Variants in PLAT observed in about 807,000 individuals in gnomAD.
PLAT encodes tissue-type plasminogen activator.
Under a neutral mutation model 74.9 loss-of-function variants are expected in PLAT, and 48 were observed. The ratio of observed to expected loss-of-function variants is 0.64; its 90% CI spans 0.51 to 0.82. The LOEUF is 0.82. Ranked by LOEUF, PLAT falls within the 40% of genes least tolerant of loss-of-function variation. PLAT has a pLI of 0.00. For missense variants in PLAT, 673 were observed against 736.2 expected (o/e 0.91, Z 0.99); for synonymous variants, 307 against 294.4 (o/e 1.04, Z -0.44).
chr8:42,178,339 C>T (rs1402024273), intron 13 of PLAT, among the ~76,000 whole-genome samples: 1 of 148,418 alleles, frequency 6.7e-6, no homozygotes, highest in East Asian at 2.0e-4. Context: ...GGCGCGATCT[C>T]GGCTCACTGC....
chr8:42,187,646 T>C (rs890269973), intron 5 of PLAT, 74 bp from the exon 6 acceptor site: 2 of 1,377,866 alleles, frequency 1.5e-6, no homozygotes, highest in Non-Finnish European at 9.9e-7. Flanking sequence ...CTCCCCTCTC[T>C]GCCCCGTCCT....
rs1208295801 is a variant in PLAT, at chr8:42,203,988, T to TACACAC, written c.-27+3505_-27+3506insGTGTGT. The stretch of plus-strand genomic sequence containing the variant: ...TCTAAATTATATATATATATATATA[T>TACACAC]ATATACACACACACACACACACACA... On this transcript the variant is annotated intron_variant, in intron 1 of 13. Coordinates refer to ENST00000220809, the MANE Select transcript of PLAT (RefSeq NM_000930.5). Among the ~76,000 whole-genome samples, 390 of 123,236 alleles carry TACACAC rather than the reference T, an allele frequency of 3.2e-3. 3 individuals are homozygous for TACACAC. Among genetic ancestry groups the TACACAC allele is most frequent in the African/African-American group, 0.017 (351 of 20,932 alleles). The allele number at this position is 123,236 out of a possible 152,430, so 80.8% of individuals were successfully genotyped here.
chr8:42,191,582 A>G (rs1287426505), intron 2 of PLAT, among the ~76,000 whole-genome samples, 168 bp from the exon 3 acceptor site: 1 of 151,966 alleles, frequency 6.6e-6, no homozygotes, highest in Admixed American at 6.5e-5. Flanking sequence ...TTCTAGTCCA[A>G]TTCTTCCTCT....
intron 1 of PLAT, among the ~76,000 whole-genome samples, chr8:42,194,999 G>C (rs780588815): frequency 4.6e-5 from 7 of 152,104 alleles, no homozygotes; most frequent in African/African-American, 7.2e-5. Flanking sequence ...TAGTCGGCCG[G>C]GTGTTATTTT....
intron 2 of PLAT, among the ~76,000 whole-genome samples, chr8:42,192,155 T>C (rs1392560659): frequency 6.6e-6 from 1 of 151,710 alleles, no homozygotes. Context: ...AGGTGCATAC[T>C]AGTACACCCG....
chr8:42,204,388 A>G (rs952673902), intron 1 of PLAT, among the ~76,000 whole-genome samples: 7 of 152,180 alleles, frequency 4.6e-5, no homozygotes, highest in Admixed American at 4.6e-4. Context: ...AGCGAAAATC[A>G]CTCAGAGAAA....
rs187735540 is a variant in PLAT, at chr8:42,194,631, C to T, written c.-26-1420G>A. The stretch of plus-strand genomic sequence containing the variant: ...GACTAGATGGAGCCGCAGTCATGTC[C>T]TCTTGGACTTCTGCAGCGGAAGCCA... On this transcript the variant is annotated intron_variant, in intron 1 of 13. Transcript: ENST00000220809. 6.6e-5 allele frequency among the ~76,000 whole-genome samples: 10 copies of T among 152,272 alleles called. No individual in the cohort carries two copies. The East Asian group carries it at 1.7e-3, about 27-fold the overall frequency.
At chr8:42,176,259 C>CAAT (rs1207117388) in intron 13 of PLAT, 108 bp from the exon 14 acceptor site, 1 of 730,968 alleles carries the variant, frequency 1.4e-6, no homozygotes, top group East Asian at 2.7e-5. Context: ...GCAGGCCCTT[C>CAAT]AATAATATTC....
chr8:42,201,475 G>A (rs551066157), intron 1 of PLAT, among the ~76,000 whole-genome samples: 94 of 152,268 alleles, frequency 6.2e-4, no homozygotes, highest in African/African-American at 2.0e-3. Context: ...ATGCAGAAGA[G>A]ATGCCACGCT....
intron 4 of PLAT, 68 bp from the exon 5 acceptor site, chr8:42,188,084 G>C (rs1805554113): frequency 9.7e-6 from 9 of 923,144 alleles, no homozygotes; most frequent in African/African-American, 1.6e-5. Context: ...ATGGTTCCAG[G>C]AGCCCTGTCT....
In PLAT at chr8:42,175,187, A is replaced by G. The variant is rs1171401952; in HGVS notation, c.*806T>C. ...AAATGATTTTAAAATGTGAACATGAATAAAGAGTGGGATACAGCATCTATA... is the reference window on the plus strand; with the variant it reads ...AAATGATTTTAAAATGTGAACATGAGTAAAGAGTGGGATACAGCATCTATA... On this transcript the variant is annotated 3_prime_UTR_variant, in exon 14 of 14. Transcript: ENST00000220809. 1 of 152,226 alleles carries G rather than the reference A, an allele frequency of 6.6e-6. No individual in the cohort carries two copies. The highest frequency in any genetic ancestry group is 1.5e-5 in the Non-Finnish European group (1 of 68,046). 9.4% of individuals were successfully genotyped at this position (152,226 alleles called of 1,614,324 possible).
intron 1 of PLAT, among the ~76,000 whole-genome samples, chr8:42,204,094 C>T (rs1218765711): frequency 6.6e-6 from 1 of 151,196 alleles, no homozygotes; most frequent in Non-Finnish European, 1.5e-5. Flanking sequence ...GAGCCACTAT[C>T]GGAAGACCAT....
At position 42,180,336 on chromosome 8, in the gene PLAT, G is replaced by T; in HGVS notation, c.1128C>A (p.Tyr376Ter). ...HHLTVILGRTYRVVPGEEEQK... is the reference protein window; with the variant it reads ...HHLTVILGRT ...GCTCCTCCTCGCCAGGGACCACCCGGTATGTTCTGCCCAAGATCACCGTCA... is the reference window on the plus strand; with the variant it reads ...GCTCCTCCTCGCCAGGGACCACCCGTTATGTTCTGCCCAAGATCACCGTCA... The change falls in exon 11 of 14, where the codon TAC (tyrosine) becomes TAA (stop). Residue 376 changes from tyrosine (Y) to a stop codon, truncating the protein, a stop_gained. Transcript: ENST00000220809. LOFTEE classifies it high-confidence loss of function. The T allele has an allele frequency of 6.2e-7, 1 of 1,614,202 alleles. No individual in the cohort carries two copies. Among genetic ancestry groups the T allele is most frequent in the Non-Finnish European group, 8.5e-7 (1 of 1,179,986 alleles).
intron 6 of PLAT, chr8:42,185,376 G>C: frequency 2.5e-6 from 1 of 399,284 alleles, no homozygotes. Flanking sequence ...CAATTCTTCA[G>C]CCTCAGCTTC....
chr8:42,192,997 G>C lies in PLAT; in HGVS notation c.72+117C>G, dbSNP rs1440577778. On this transcript the variant is annotated intron_variant, in intron 2 of 13. Coordinates refer to ENST00000220809, the MANE Select transcript of PLAT (RefSeq NM_000930.5). ...AGCAATGCCAGCCCCTCGTCCCTGT[G>C]CCTCTCTGCTCCCTGACAGCATTCC... 1.1e-5 allele frequency: 8 copies of C among 710,580 alleles called. No individual in the cohort carries two copies. In the African/African-American group the frequency reaches 1.2e-4, roughly 11 times the overall value. The allele number at this position is 710,580 out of a possible 1,614,324, so 44.0% of individuals were successfully genotyped here.
chr8:42,179,825 G>C (rs563639634), intron 12 of PLAT, 101 bp downstream of exon 12: 20 of 1,222,214 alleles, frequency 1.6e-5, no homozygotes, highest in Non-Finnish European at 2.2e-5. Flanking sequence ...GCCTGACCCG[G>C]GGCTGGAACT....
In PLAT at chr8:42,188,028, A is replaced by G; in HGVS notation, c.254-12T>C. ...TGGCTCGCTGCAACCTGTCAAGTATAAAAAAGGAAGCCCCTAATGACAGCC... is the reference window on the plus strand; with the variant it reads ...TGGCTCGCTGCAACCTGTCAAGTATGAAAAAGGAAGCCCCTAATGACAGCC... On this transcript the variant is annotated splice_polypyrimidine_tract_variant and intron_variant, in intron 4 of 13. Transcript: ENST00000220809. 2.6e-6 allele frequency: 4 copies of G among 1,559,660 alleles called. No individual in the cohort carries two copies. Among genetic ancestry groups the G allele is most frequent in the Middle Eastern group, 1.7e-4 (1 of 5,942 alleles).
At chr8:42,184,892 G>A (rs8178886) in intron 7 of PLAT, 189 bp downstream of exon 7, 533 of 469,650 alleles carry the variant, frequency 1.1e-3, no homozygotes, top group Non-Finnish European at 1.6e-3. Context: ...CTCCAGGTCA[G>A]ACAAATAGCC....
chr8:42,192,527 C>G (rs1805726478), intron 2 of PLAT, among the ~76,000 whole-genome samples: 1 of 151,794 alleles, frequency 6.6e-6, no homozygotes. Context: ...AGAGTGAGAC[C>G]CTGTTTCCAA....
Sources: gnomAD v4.1 joint callset for allele counts (sites outside exome capture counted in the v4.1 genomes callset) on GRCh38, gnomAD v4.1.1 for gene constraint, MANE v1.5 for transcripts, NCBI Gene and HGNC (gene_info 2026-07-23, HGNC 2026-07-21) for gene names.